The following MTUS2 variants were observed in gnomAD, a reference collection of about 807,000 sequenced individuals.
The protein encoded by MTUS2 is microtubule associated scaffold protein 2, also known as microtubule-associated tumor suppressor candidate 2.
In MTUS2, 40 loss-of-function variants were observed where a neutral mutation model predicts 114.1. The observed-to-expected ratio is 0.35, with a 90% CI of 0.27 to 0.46. MTUS2 has a LOEUF of 0.46. MTUS2 is among the 20% of genes least tolerant of loss of function. The pLI is 1.00. For missense variants in MTUS2, 1,679 were observed against 1,705.4 expected (o/e 0.98, Z 0.27); for synonymous variants, 688 against 672.0 (o/e 1.02, Z -0.37).
chr13:29,078,766 T>G (rs1593452494), intron 4 of MTUS2, among the ~76,000 whole-genome samples: 1 of 152,348 alleles, frequency 6.6e-6, no homozygotes, highest in South Asian at 2.1e-4. Context: ...GTATCAGTAC[T>G]TCACTCCTTT....
chr13:28,995,763 C>G (rs1885072973), intron 2 of MTUS2, among the ~76,000 whole-genome samples: 1 of 152,202 alleles, frequency 6.6e-6, no homozygotes, highest in African/African-American at 2.4e-5. Flanking sequence ...TGAGACTTTG[C>G]TGAAGTTGCC....
intron 7 of MTUS2, among the ~76,000 whole-genome samples, chr13:29,350,365 T>A (rs9508401): frequency 6.7e-6 from 1 of 149,504 alleles, no homozygotes; most frequent in Non-Finnish European, 1.5e-5. Flanking sequence ...TCCTTGCTGG[T>A]TATCAGTCAG....
At chr13:29,164,723 A>C (rs1893242561) in intron 5 of MTUS2, among the ~76,000 whole-genome samples, 1 of 152,068 alleles carries the variant, frequency 6.6e-6, no homozygotes, top group South Asian at 2.1e-4. Flanking sequence ...AGGAAGAAAA[A>C]TGGTGGGTGA....
At chr13:28,979,187 G>C (rs1884248649) in intron 2 of MTUS2, among the ~76,000 whole-genome samples, 1 of 152,186 alleles carries the variant, frequency 6.6e-6, no homozygotes, top group Admixed American at 6.5e-5. Flanking sequence ...AGCGTGACCA[G>C]CCACAGTTGA....
At chr13:28,846,193 T>C (rs1875874275) in intron 2 of MTUS2, among the ~76,000 whole-genome samples, 1 of 152,036 alleles carries the variant, frequency 6.6e-6, no homozygotes. Context: ...TGATCTGAAC[T>C]AGTTTGTTAA....
intron 2 of MTUS2, among the ~76,000 whole-genome samples, chr13:28,995,681 T>A (rs985873003): frequency 1.3e-5 from 2 of 152,186 alleles, no homozygotes; most frequent in Admixed American, 1.3e-4. Context: ...GGGAGTTCAC[T>A]CATGATTTGG....
At chr13:29,227,956 A>G (rs769029958) in intron 5 of MTUS2, among the ~76,000 whole-genome samples, 2 of 152,206 alleles carry the variant, frequency 1.3e-5, no homozygotes, top group African/African-American at 2.4e-5. Context: ...TTTTATATTA[A>G]TAGAATTATA....
chr13:28,888,058 T>TA (rs1878695543), intron 2 of MTUS2, among the ~76,000 whole-genome samples: 1 of 152,228 alleles, frequency 6.6e-6, no homozygotes, highest in Non-Finnish European at 1.5e-5. Context: ...AAACCTTTCC[T>TA]ACCTGTTTAT....
intron 6 of MTUS2, among the ~76,000 whole-genome samples, chr13:29,313,072 G>A (rs1193912756): frequency 2.0e-5 from 3 of 152,108 alleles, no homozygotes; most frequent in African/African-American, 7.2e-5. Context: ...TGTCTAATGG[G>A]GAATATGGAC....
At chr13:29,410,543 A>G (rs1175519910) in intron 8 of MTUS2, among the ~76,000 whole-genome samples, 2 of 152,238 alleles carry the variant, frequency 1.3e-5, no homozygotes, top group East Asian at 3.9e-4. Flanking sequence ...GGGCCATTTT[A>G]TATTTCTTCT....
chr13:29,019,568 C>A (rs539314940), intron 2 of MTUS2, among the ~76,000 whole-genome samples: 20 of 152,188 alleles, frequency 1.3e-4, no homozygotes, highest in Non-Finnish European at 2.5e-4. Flanking sequence ...TGATCCCACC[C>A]ATGGGTGCTA....
intron 8 of MTUS2, among the ~76,000 whole-genome samples, chr13:29,383,709 G>A (rs1872422916): frequency 6.6e-6 from 1 of 151,864 alleles, no homozygotes; most frequent in African/African-American, 2.4e-5. Flanking sequence ...GCAGAAGCCC[G>A]GCAAGAAGGA....
chr13:29,396,278 T>G (rs561746038), intron 8 of MTUS2, among the ~76,000 whole-genome samples: 1 of 152,334 alleles, frequency 6.6e-6, no homozygotes, highest in Admixed American at 6.5e-5. Flanking sequence ...ATAATTAATA[T>G]GTAATAACTC....
In MTUS2 at chr13:29,071,409, A is replaced by ATTTTTTTTTTTT. The variant is rs751020009; in HGVS notation, c.2447-29341_2447-29330dup. Among the ~76,000 whole-genome samples the ATTTTTTTTTTTT allele has an allele frequency of 1.3e-3, 59 of 46,142 alleles. 11 individuals are homozygous for ATTTTTTTTTTTT. The highest frequency in any genetic ancestry group is 6.3e-3 in the East Asian group (7 of 1,106). 30.3% of individuals were successfully genotyped at this position (46,142 alleles called of 152,430 possible). Reference sequence around the variant, plus strand: ...TTTAAAAGATCTCTATGTTGCTTGAATTTTTTTTTTTTTTTTTTTTTTTTT... The same window carrying ATTTTTTTTTTTT: ...TTTAAAAGATCTCTATGTTGCTTGAATTTTTTTTTTTTTTTTTTTTTTTTTTTTTTTTTTTTT... On this transcript the variant is annotated intron_variant, in intron 4 of 15. Coordinates refer to ENST00000612955, the MANE Select transcript of MTUS2 (RefSeq NM_001033602.4).
intron 4 of MTUS2, among the ~76,000 whole-genome samples, chr13:29,041,902 C>T (rs1887379576): frequency 6.6e-6 from 1 of 152,108 alleles, no homozygotes; most frequent in Non-Finnish European, 1.5e-5. Flanking sequence ...ACCATTATAT[C>T]ATTGGTGAAC....
rs1896069010 is a variant in MTUS2, at chr13:29,225,425, C to T, written c.2645-56279C>T. ...GTGTTATTGTAAGATTTTCCTATCA[C>T]AACGGGGCAATTGTGTACATTTCAA... On this transcript the variant is annotated intron_variant, in intron 5 of 15. Coordinates refer to ENST00000612955, the MANE Select transcript of MTUS2 (RefSeq NM_001033602.4). Among the ~76,000 whole-genome samples the T allele has an allele frequency of 2.0e-5, 3 of 152,208 alleles. No individual in the cohort carries two copies. In the South Asian group the frequency reaches 6.2e-4, roughly 32 times the overall value.
At chr13:29,211,627 C>G (rs531460486) in intron 5 of MTUS2, among the ~76,000 whole-genome samples, 910 of 152,278 alleles carry the variant, frequency 6.0e-3, no homozygotes, top group Middle Eastern at 0.041. Context: ...CGGAACTCTT[C>G]CCACTGCTTC....
chr13:28,854,320 A>T (rs1012285427), intron 2 of MTUS2, among the ~76,000 whole-genome samples: 1 of 152,132 alleles, frequency 6.6e-6, no homozygotes, highest in African/African-American at 2.4e-5. Context: ...GGAACTAAAG[A>T]TGTCTGATTT....
At chr13:28,838,297 G>C (rs978524003) in intron 1 of MTUS2, among the ~76,000 whole-genome samples, 1 of 152,136 alleles carries the variant, frequency 6.6e-6, no homozygotes, top group African/African-American at 2.4e-5. Flanking sequence ...TATATCTGGG[G>C]TACCCAAATG....
Sources: gnomAD v4.1 joint callset for allele counts (sites outside exome capture counted in the v4.1 genomes callset) on GRCh38, gnomAD v4.1.1 for gene constraint, MANE v1.5 for transcripts, NCBI Gene and HGNC (gene_info 2026-07-23, HGNC 2026-07-21) for gene names.